The following MRPS6 variants were observed in gnomAD, a reference collection of about 807,000 sequenced individuals.
The protein encoded by MRPS6 is small ribosomal subunit protein bS6m.
In MRPS6, 6 loss-of-function variants were observed where a neutral mutation model predicts 13.1. The ratio of observed to expected loss-of-function variants is 0.46; its 90% CI spans 0.25 to 0.91. The LOEUF (loss-of-function observed/expected upper bound fraction) is 0.91. MRPS6 is among the 40% of genes least tolerant of loss of function. The pLI, the probability that MRPS6 is intolerant of heterozygous loss-of-function variation, is 0.18. For missense variants in MRPS6, 164 were observed against 155.6 expected, an observed-to-expected ratio of 1.05 and a Z score of -0.29; for synonymous variants, 61 against 56.5, an observed-to-expected ratio of 1.08 and a Z score of -0.36.
intron 1 of MRPS6, among the ~76,000 whole-genome samples, chr21:34,094,000 G>A (rs899718987): frequency 6.6e-6 from 1 of 152,080 alleles, no homozygotes. Context: ...TCAACAAAAA[G>A]CATTAAAAGG....
At chr21:34,094,753 C>T (rs75692952) in intron 1 of MRPS6, 154,325 of 154,336 alleles carry the variant, frequency 1, 77,157 homozygotes, top group Non-Finnish European at 1. Context: ...TTTTTTTCTT[C>T]CAATAAAGAA....
At chr21:34,121,332 C>T (rs1388431959) in intron 1 of MRPS6, among the ~76,000 whole-genome samples, 1 of 151,992 alleles carries the variant, frequency 6.6e-6, no homozygotes, top group South Asian at 2.1e-4. Flanking sequence ...ACAGGAAAAT[C>T]GAGAACTACT....
chr21:34,080,483 T>A (rs1335383082), intron 1 of MRPS6, among the ~76,000 whole-genome samples: 1 of 152,170 alleles, frequency 6.6e-6, no homozygotes, highest in African/African-American at 2.4e-5. Flanking sequence ...TGGAACACCC[T>A]CCCTTTCCAC....
In MRPS6 at chr21:34,096,098, T is replaced by A. The variant is rs369410032; in HGVS notation, c.45+22353T>A. ...TTGCTCATGCCAAAGGCTCTACTCT[T>A]ATGGCTGGCTTCTTAAAGCTCCTGC... On this transcript the variant is annotated intron_variant, in intron 1 of 2. Transcript: ENST00000399312. This position sits in a 1 kb window ranked among gnomAD's most constrained non-coding sequence, Gnocchi z 5.9. 6.1e-5 allele frequency: 98 copies of A among 1,613,988 alleles called. No homozygotes were observed. The highest frequency in any genetic ancestry group is 8.1e-5 in the Non-Finnish European group (95 of 1,180,000).
intron 2 of MRPS6, 129 bp from the exon 3 acceptor site, chr21:34,142,279 T>C (rs954756166): frequency 3.2e-6 from 3 of 929,986 alleles, no homozygotes; most frequent in Non-Finnish European, 4.5e-6. Context: ...GACAAGGTTA[T>C]GTGTGTGTAT....
chr21:34,116,816 G>A (rs188374449), intron 1 of MRPS6, among the ~76,000 whole-genome samples: 180 of 152,190 alleles, frequency 1.2e-3, no homozygotes, highest in Admixed American at 3.9e-3. Flanking sequence ...AACCTCATGC[G>A]AGAGGATGAT....
In MRPS6 at chr21:34,096,868, ACTG is replaced by A. The variant is rs1569417047; in HGVS notation, c.45+23126_45+23128del. The A allele has an allele frequency of 6.2e-7, 1 of 1,614,104 alleles. No homozygotes were observed. The highest frequency in any genetic ancestry group is 2.2e-5 in the East Asian group (1 of 44,874). On this transcript the variant is annotated intron_variant, in intron 1 of 2. Coordinates refer to ENST00000399312, the MANE Select transcript of MRPS6 (RefSeq NM_032476.4). The surrounding 1 kb of genome is among the most constrained non-coding windows in gnomAD (Gnocchi z 5.9). ...AAGAAGAACCTGGTGGTGAAGGAGAACTGCTCCCCAAAAGAGGAACCATACAAA... is the reference window on the plus strand; with the variant it reads ...AAGAAGAACCTGGTGGTGAAGGAGAACTCCCCAAAAGAGGAACCATACAAA...
At chr21:34,100,886 TTGC>T in intron 1 of MRPS6, 3 of 1,000,220 alleles carry the variant, frequency 3.0e-6, no homozygotes, top group Non-Finnish European at 3.6e-6. Context: ...ACTCAGTTAC[TTGC>T]TACTCAAAGG....
intron 2 of MRPS6, among the ~76,000 whole-genome samples, chr21:34,136,944 G>T (rs1022975669): frequency 8.6e-5 from 13 of 152,044 alleles, no homozygotes; most frequent in African/African-American, 4.8e-5. Context: ...AGAAAGTTCG[G>T]TTTTTTTGCG....
chr21:34,077,069 A>G (rs557717356), intron 1 of MRPS6, among the ~76,000 whole-genome samples: 5 of 152,326 alleles, frequency 3.3e-5, no homozygotes, highest in South Asian at 2.1e-4. Context: ...CCCCCCTGCA[A>G]TGAGAACTTT....
At chr21:34,079,197 A>C (rs1319071274) in intron 1 of MRPS6, among the ~76,000 whole-genome samples, 1 of 152,206 alleles carries the variant, frequency 6.6e-6, no homozygotes, top group African/African-American at 2.4e-5. Context: ...GTGGGGAAAA[A>C]AACAGCAATA....
At chr21:34,125,931 C>A (rs1185071312) in intron 2 of MRPS6, among the ~76,000 whole-genome samples, 5 of 152,156 alleles carry the variant, frequency 3.3e-5, no homozygotes, top group African/African-American at 1.2e-4. Flanking sequence ...ATACCTACTC[C>A]AAGTAATGAT....
At chr21:34,081,507 TGAAATGAAGATACTG>T (rs1407155551) in intron 1 of MRPS6, among the ~76,000 whole-genome samples, 1 of 152,188 alleles carries the variant, frequency 6.6e-6, no homozygotes, top group Non-Finnish European at 1.5e-5. Context: ...TTGTAAGATC[TGAAATGAAGATACTG>T]GATGTGTTAC....
chr21:34,126,810 A>G (rs1477629915), intron 2 of MRPS6, among the ~76,000 whole-genome samples: 1 of 152,088 alleles, frequency 6.6e-6, no homozygotes, highest in East Asian at 1.9e-4. Flanking sequence ...AGAGGATTTG[A>G]CTTTGTTGAG....
chr21:34,124,518 ATAAC>A (rs1980233635), intron 1 of MRPS6: 1 of 148,854 alleles, frequency 6.7e-6, no homozygotes, highest in Non-Finnish European at 1.5e-5. Flanking sequence ...TTTTTTTTAA[ATAAC>A]AGGCCTTGAT....
chr21:34,098,009 T>C (rs1979053316), intron 1 of MRPS6: 1 of 998,104 alleles, frequency 1.0e-6, no homozygotes, highest in Non-Finnish European at 1.2e-6. Flanking sequence ...TTTTTCTTTC[T>C]ACTTTCAAGT....
At chr21:34,131,659 T>A (rs1010146717) in intron 2 of MRPS6, among the ~76,000 whole-genome samples, 2 of 152,178 alleles carry the variant, frequency 1.3e-5, no homozygotes, top group Non-Finnish European at 2.9e-5. Flanking sequence ...ACACAGGTTG[T>A]TTCTAGGCCT....
At chr21:34,074,726 A>G (rs1239404468) in intron 1 of MRPS6, among the ~76,000 whole-genome samples, 1 of 152,184 alleles carries the variant, frequency 6.6e-6, no homozygotes, top group Non-Finnish European at 1.5e-5. Flanking sequence ...ACCACGTCCG[A>G]ACTTTGTAAG....
chr21:34,080,502 A>C (rs1444955543), intron 1 of MRPS6, among the ~76,000 whole-genome samples: 3 of 151,898 alleles, frequency 2.0e-5, no homozygotes, highest in African/African-American at 7.3e-5. Context: ...ACAATACCCC[A>C]CCACCTCCAT....
Sources: gnomAD v4.1 joint callset for allele counts (sites outside exome capture counted in the v4.1 genomes callset) on GRCh38, gnomAD v4.1.1 for gene constraint, Gnocchi (gnomAD v3.1) non-coding constraint, MANE v1.5 for transcripts, NCBI Gene and HGNC (gene_info 2026-07-23, HGNC 2026-07-21) for gene names.